Variants in PCDH15 observed in about 807,000 individuals in gnomAD.
PCDH15 encodes the protein protocadherin related 15, also known as protocadherin-15.
In PCDH15, 129 loss-of-function variants were observed where a neutral mutation model predicts 178.5. That is an observed-to-expected ratio of 0.72 (90% CI 0.63 to 0.84). PCDH15 has a LOEUF of 0.84. PCDH15 is among the 40% of genes least tolerant of loss of function. PCDH15 has a pLI of 0.00. For synonymous variants in PCDH15, 800 were observed against 732.0 expected (o/e 1.09, Z -1.50); for missense variants, 2,230 against 2,099.9 (o/e 1.06, Z -1.21).
rs756365441 is a variant in PCDH15 at position 54,936,696 on chromosome 10, CT to C, written c.-79-39197del. Among the ~76,000 whole-genome samples the C allele has an allele frequency of 1.0e-3, 151 of 148,698 alleles. 1 individual carries two copies. The highest frequency in any genetic ancestry group is 3.2e-3 in the Admixed American group (47 of 14,804). On this transcript the variant is annotated intron_variant, in intron 2 of 5. Coordinates refer to the PCDH15 transcript ENST00000458638. ...ATCTTCATAGGAATAGTGTCTATTA[CT>C]TTTTTGCACATTTTTATTGTTTTTT...
At chr10:55,317,943 A>C (rs1459106280) in intron 1 of PCDH15, among the ~76,000 whole-genome samples, 1 of 152,200 alleles carries the variant, frequency 6.6e-6, no homozygotes, top group Non-Finnish European at 1.5e-5. Context: ...AAATAAAAGA[A>C]AGAAGGTGGA....
intron 2 of PCDH15, among the ~76,000 whole-genome samples, chr10:55,047,468 C>T (rs1311513317): frequency 6.6e-6 from 1 of 151,768 alleles, no homozygotes; most frequent in East Asian, 1.9e-4. Context: ...TTATCCTCTG[C>T]ATTTGAGATA....
chr10:54,752,500 A>T (rs1222377848), intron 1 of PCDH15, among the ~76,000 whole-genome samples: 1 of 98,282 alleles, frequency 1.0e-5, no homozygotes, highest in African/African-American at 4.1e-5. Flanking sequence ...AACAAAAAAC[A>T]AAAAACAAAA....
At position 53,994,476 on chromosome 10, in the gene PCDH15, T is replaced by C. The variant is rs565986173; in HGVS notation, c.2868+1173A>G. 6 of 152,282 alleles carry C rather than the reference T, an allele frequency of 3.9e-5. No individual in the cohort carries two copies. The South Asian group carries it at 1.0e-3, about 26-fold the overall frequency. 9.4% of individuals were successfully genotyped at this position (152,282 alleles called of 1,614,324 possible). ...GGTTGCCACAATGACCAGTATATAG[T>C]TGGTGCTAAAAACACATATGTTGAA... On this transcript the variant is annotated intron_variant, in intron 21 of 37. Transcript: ENST00000644397.
chr10:54,761,070 G>A (rs6481120), intron 1 of PCDH15, among the ~76,000 whole-genome samples: 53,064 of 151,742 alleles, frequency 0.35, 9,618 homozygotes, highest in Middle Eastern at 0.47. Flanking sequence ...AGCATTATTA[G>A]GGACTTGCCT....
At chr10:54,724,324 A>C (rs1942121823) in intron 1 of PCDH15, among the ~76,000 whole-genome samples, 2 of 151,668 alleles carry the variant, frequency 1.3e-5, no homozygotes, top group African/African-American at 4.8e-5. Context: ...GAAACTAAAC[A>C]AGAGGTACAT....
At position 54,020,282 on chromosome 10, in the gene PCDH15, G is replaced by T. The variant is rs1463096593; in HGVS notation, c.2661C>A (p.Asp887Glu). ...CCAGAAAAGTGATACTTGCTTCTTGGTCTGGAAATGCCTCATAATCTAAAC... is the reference window on the plus strand; with the variant it reads ...CCAGAAAAGTGATACTTGCTTCTTGTTCTGGAAATGCCTCATAATCTAAAC... ...LRSLDYEAFPDQEASITFLVE... is the reference protein window; with the variant it reads ...LRSLDYEAFPEQEASITFLVE... The change falls in exon 20 of 38, where the codon GAC (aspartate) becomes GAA (glutamate). Residue 887 changes from aspartate (D) to glutamate (E), a missense_variant. By Grantham distance (45) the Asp-to-Glu change is conservative (BLOSUM62 2). Coordinates refer to ENST00000644397, the MANE Select transcript of PCDH15 (RefSeq NM_001384140.1). 1.2e-6 allele frequency: 2 copies of T among 1,613,592 alleles called. No individual in the cohort carries two copies. The highest frequency in any genetic ancestry group is 1.7e-6 in the Non-Finnish European group (2 of 1,179,792).
intron 26 of PCDH15, among the ~76,000 whole-genome samples, chr10:53,885,290 T>G (rs1465783831): frequency 6.6e-6 from 1 of 152,134 alleles, no homozygotes; most frequent in Non-Finnish European, 1.5e-5. Context: ...TAAGAGAACT[T>G]CAAGATTTAT....
intron 3 of PCDH15, among the ~76,000 whole-genome samples, chr10:54,406,340 T>C (rs1177547164): frequency 1.3e-5 from 2 of 152,004 alleles, no homozygotes; most frequent in African/African-American, 4.8e-5. Flanking sequence ...AATAAATGAA[T>C]AAATAAATAA....
At chr10:54,037,062 GA>G (rs2093432802) in intron 18 of PCDH15, among the ~76,000 whole-genome samples, 2 of 151,924 alleles carry the variant, frequency 1.3e-5, no homozygotes, top group African/African-American at 2.4e-5. Flanking sequence ...AGATGTGAGT[GA>G]ATTGCTGTAA....
chr10:55,070,631 G>T (rs553016181), intron 2 of PCDH15, among the ~76,000 whole-genome samples: 1 of 152,120 alleles, frequency 6.6e-6, no homozygotes, highest in African/African-American at 2.4e-5. Context: ...CTGTTCCATT[G>T]ATCTATATCT....
chr10:54,084,066 T>C (rs111662350), intron 16 of PCDH15, among the ~76,000 whole-genome samples: 3,958 of 142,212 alleles, frequency 0.028, 181 homozygotes, highest in African/African-American at 0.095. Context: ...TGTCTCTCTC[T>C]TTTTTTTTAA....
intron 1 of PCDH15, among the ~76,000 whole-genome samples, chr10:54,766,340 T>C (rs1474660966): frequency 6.6e-6 from 1 of 152,058 alleles, no homozygotes; most frequent in Non-Finnish European, 1.5e-5. Flanking sequence ...TGTGAAAAAA[T>C]TTTACACTTT....
upstream of PCDH15, among the ~76,000 whole-genome samples, chr10:54,802,707 A>C (rs1472439513): frequency 6.6e-6 from 1 of 152,210 alleles, no homozygotes. Flanking sequence ...GGAGCAATCC[A>C]TATATTGATA....
At chr10:53,920,774 T>A (rs945367821) in intron 25 of PCDH15, among the ~76,000 whole-genome samples, 2 of 151,686 alleles carry the variant, frequency 1.3e-5, no homozygotes, top group African/African-American at 4.9e-5. Flanking sequence ...AAAGCATACA[T>A]TTTTTTTCCT....
At chr10:54,807,260 T>C (rs1372041227) in intron 3 of PCDH15, among the ~76,000 whole-genome samples, 1 of 152,154 alleles carries the variant, frequency 6.6e-6, no homozygotes, top group Non-Finnish European at 1.5e-5. Context: ...AAAAATCGTA[T>C]AGAACATTTT....
chr10:53,829,091 A>G (rs2076874310), intron 30 of PCDH15, among the ~76,000 whole-genome samples: 1 of 152,218 alleles, frequency 6.6e-6, no homozygotes, highest in African/African-American at 2.4e-5. Context: ...GAAAAGTTCA[A>G]AGGCATATCA....
intron 2 of PCDH15, among the ~76,000 whole-genome samples, chr10:54,938,981 C>T (rs1370511153): frequency 6.6e-6 from 1 of 152,032 alleles, no homozygotes; most frequent in Non-Finnish European, 1.5e-5. Context: ...TGAAAGTAAG[C>T]CCTGGTAATA....
intron 9 of PCDH15, among the ~76,000 whole-genome samples, chr10:54,230,229 G>T (rs2053904576): frequency 6.6e-6 from 1 of 152,038 alleles, no homozygotes; most frequent in South Asian, 2.1e-4. Context: ...GAATGGTAAG[G>T]CATGAGGAAA....
Sources: gnomAD v4.1 joint callset for allele counts (sites outside exome capture counted in the v4.1 genomes callset) on GRCh38, gnomAD v4.1.1 for gene constraint, MANE v1.5 for transcripts, NCBI Gene and HGNC (gene_info 2026-07-23, HGNC 2026-07-21) for gene names.